Variants in RAB38 observed in about 807,000 individuals in gnomAD.
RAB38 encodes the protein RAB38, member RAS oncogene family.
RAB38 carries 15 observed loss-of-function variants against 18.4 expected under a neutral mutation model. The ratio of observed to expected loss-of-function variants is 0.82; its 90% confidence interval spans 0.55 to 1.26. The LOEUF is 1.26. Among genes scored for constraint, RAB38 ranks in the 50% most tolerant of loss-of-function variants. RAB38 has a pLI of 0.00. For synonymous variants in RAB38, 101 were observed against 104.4 expected (o/e 0.97, Z 0.20); for missense variants, 294 against 267.4 (o/e 1.10, Z -0.69).
Position 88,175,401 on chromosome 11 carries a change from A to T in RAB38, c.-17T>A, listed in dbSNP as rs761846045. The T allele has an allele frequency of 3.1e-6, 5 of 1,613,322 alleles. No homozygotes were observed. Among genetic ancestry groups the T allele is most frequent in the Non-Finnish European group, 4.2e-6 (5 of 1,179,638 alleles). On this transcript the variant is annotated 5_prime_UTR_variant, in exon 1 of 3. Transcript: ENST00000243662. ...GGCCTGCATCCTGGCGGCCGGCCAG[A>T]CGTGCCGTGCCTGACCAGGGAAGCG...
chr11:87,973,183 G>C, the RAB38 span, among the ~76,000 whole-genome samples: 1 of 152,008 alleles, frequency 6.6e-6, no homozygotes, highest in Non-Finnish European at 1.5e-5. Context: ...AGGAAAGAAA[G>C]AAAATGTAGG....
At chr11:88,149,274 T>C (rs765211004) in intron 2 of RAB38, among the ~76,000 whole-genome samples, 2 of 152,224 alleles carry the variant, frequency 1.3e-5, no homozygotes, top group Non-Finnish European at 2.9e-5. Flanking sequence ...CAGGTGAACA[T>C]ATTAAATATT....
the RAB38 span, among the ~76,000 whole-genome samples, chr11:87,892,093 T>A: frequency 6.6e-6 from 1 of 151,752 alleles, no homozygotes; most frequent in African/African-American, 2.4e-5. Context: ...GGAAAAGCAG[T>A]AGAAATGGGC....
chr11:88,058,319 T>C, the RAB38 span, among the ~76,000 whole-genome samples: 94,111 of 152,006 alleles, frequency 0.62, 29,728 homozygotes, highest in Non-Finnish European at 0.68. Context: ...GAGGAACAAA[T>C]GAACAGTATA....
chr11:88,127,322 T>C (rs7103893), intron 2 of RAB38, among the ~76,000 whole-genome samples: 198 of 152,312 alleles, frequency 1.3e-3, no homozygotes, highest in African/African-American at 4.6e-3. Context: ...CAGATTCAAG[T>C]TGGGATGGGA....
chr11:87,964,005 G>C, the RAB38 span, among the ~76,000 whole-genome samples: 2 of 152,078 alleles, frequency 1.3e-5, no homozygotes, highest in African/African-American at 4.8e-5. Flanking sequence ...GGAGATAAGG[G>C]AAAAACACAC....
the RAB38 span, among the ~76,000 whole-genome samples, chr11:88,063,210 A>C: frequency 1.3e-5 from 2 of 152,164 alleles, no homozygotes; most frequent in Non-Finnish European, 2.9e-5. Flanking sequence ...AAATAGAATA[A>C]TTTGGAACCT....
At chr11:88,042,926 T>G in the RAB38 span, among the ~76,000 whole-genome samples, 1 of 152,192 alleles carries the variant, frequency 6.6e-6, no homozygotes, top group Admixed American at 6.5e-5. Context: ...AAATTTGACT[T>G]GCTAAAGCAA....
At chr11:88,048,302 C>T in the RAB38 span, among the ~76,000 whole-genome samples, 1 of 152,180 alleles carries the variant, frequency 6.6e-6, no homozygotes, top group Non-Finnish European at 1.5e-5. Flanking sequence ...CATAATTCCT[C>T]GGTTTGGCCT....
chr11:87,889,616 A>G, the RAB38 span, among the ~76,000 whole-genome samples: 36 of 152,014 alleles, frequency 2.4e-4, no homozygotes, highest in Admixed American at 1.7e-3. Context: ...TCTACAACAA[A>G]GGCATTTTCT....
the RAB38 span, among the ~76,000 whole-genome samples, chr11:87,893,326 A>ATATATACC: frequency 7.0e-6 from 1 of 143,298 alleles, no homozygotes; most frequent in Non-Finnish European, 1.5e-5. Flanking sequence ...ACACATACAT[A>ATATATACC]TATATATTTT....
the RAB38 span, among the ~76,000 whole-genome samples, chr11:87,869,558 G>A: frequency 1.3e-5 from 2 of 151,220 alleles, no homozygotes; most frequent in South Asian, 4.2e-4. Flanking sequence ...ATAAATCACA[G>A]CAGCAGGTGG....
At chr11:87,871,701 G>A in the RAB38 span, among the ~76,000 whole-genome samples, 1 of 151,422 alleles carries the variant, frequency 6.6e-6, no homozygotes, top group Admixed American at 6.6e-5. Flanking sequence ...TTTCCCTGTG[G>A]CTAACAAATA....
At chr11:88,111,828 C>G (rs34460398), downstream of RAB38, among the ~76,000 whole-genome samples, 2 of 152,190 alleles carry the variant, frequency 1.3e-5, no homozygotes, top group African/African-American at 4.8e-5. Flanking sequence ...CTTCTAGGCT[C>G]TCCTGGAGAA....
At chr11:87,906,524 ATAT>A in the RAB38 span, among the ~76,000 whole-genome samples, 3 of 151,926 alleles carry the variant, frequency 2.0e-5, no homozygotes, top group East Asian at 1.9e-4. Flanking sequence ...ACCCTACCAA[ATAT>A]TATTATTCTG....
the RAB38 span, among the ~76,000 whole-genome samples, chr11:88,076,343 C>T: frequency 6.6e-6 from 1 of 152,054 alleles, no homozygotes; most frequent in Non-Finnish European, 1.5e-5. Flanking sequence ...AATTTAATGG[C>T]ATTTCCTCTA....
At chr11:88,161,318 ACT>A (rs1447940364) in intron 1 of RAB38, among the ~76,000 whole-genome samples, 1 of 151,642 alleles carries the variant, frequency 6.6e-6, no homozygotes, top group Non-Finnish European at 1.5e-5. Context: ...CTCTACTCCC[ACT>A]CTGTTCAATA....
At chr11:87,854,349 A>G in the RAB38 span, among the ~76,000 whole-genome samples, 2 of 152,184 alleles carry the variant, frequency 1.3e-5, no homozygotes, top group African/African-American at 4.8e-5. Context: ...AATTGTGCAC[A>G]CAAAGAATGA....
At chr11:88,055,101 G>A in the RAB38 span, among the ~76,000 whole-genome samples, 8 of 152,208 alleles carry the variant, frequency 5.3e-5, no homozygotes, top group East Asian at 1.4e-3. Flanking sequence ...GCATGATACG[G>A]TGGCATGTGA....
Sources: allele counts gnomAD v4.1 joint callset (sites outside exome capture counted in the v4.1 genomes callset), GRCh38; gene constraint gnomAD v4.1.1; transcripts MANE v1.5; gene names NCBI Gene and HGNC (gene_info 2026-07-23, HGNC 2026-07-21).